RIMS1: variants seen among roughly 807,000 people sequenced by gnomAD.
RIMS1 encodes the protein regulating synaptic membrane exocytosis protein 1.
Under a neutral mutation model 214.1 loss-of-function variants are expected in RIMS1, and 83 were observed. The ratio of observed to expected loss-of-function variants is 0.39; its 90% CI spans 0.32 to 0.47. RIMS1 has a LOEUF of 0.47. Ranked by LOEUF, RIMS1 falls within the 20% of genes least tolerant of loss-of-function variation. The pLI is 0.99. For missense variants in RIMS1, 2,050 were observed against 2,161.8 expected (o/e 0.95, Z 1.03); for synonymous variants, 793 against 786.8 (o/e 1.01, Z -0.13).
chr6:72,016,077 A>G (rs1812662255), intron 2 of RIMS1, among the ~76,000 whole-genome samples: 1 of 152,138 alleles, frequency 6.6e-6, no homozygotes, highest in South Asian at 2.1e-4. Context: ...TGTGGTTTTT[A>G]TCTTTTATTC....
At chr6:71,960,742 G>C (rs1464520961) in intron 1 of RIMS1, among the ~76,000 whole-genome samples, 1 of 151,916 alleles carries the variant, frequency 6.6e-6, no homozygotes, top group Non-Finnish European at 1.5e-5. Flanking sequence ...TTCTAAGCAG[G>C]CTTCAGATGT....
intron 29 of RIMS1, among the ~76,000 whole-genome samples, chr6:72,379,835 C>G (rs981060329): frequency 6.6e-6 from 1 of 152,212 alleles, no homozygotes; most frequent in Non-Finnish European, 1.5e-5. Flanking sequence ...TCCAGGCATT[C>G]TGAGTCCAGA....
intron 4 of RIMS1, among the ~76,000 whole-genome samples, chr6:72,163,648 C>T (rs886772020): frequency 2.8e-5 from 4 of 140,904 alleles, no homozygotes; most frequent in African/African-American, 7.4e-5. Context: ...TGGAGGTCTA[C>T]TCCAGACCCT....
chr6:72,332,515 T>C (rs1038105327), intron 28 of RIMS1, among the ~76,000 whole-genome samples: 3 of 114,124 alleles, frequency 2.6e-5, no homozygotes, highest in Non-Finnish European at 5.0e-5. Context: ...AAGGGGAACA[T>C]CACACTCTGG....
chr6:72,088,344 GTTCAAGCGA>G (rs979359401), intron 2 of RIMS1, among the ~76,000 whole-genome samples: 1 of 151,842 alleles, frequency 6.6e-6, no homozygotes, highest in African/African-American at 2.4e-5. Context: ...TGCCTCCCAG[GTTCAAGCGA>G]TTCTCCTGCC....
chr6:72,112,721 G>A (rs1230374322), intron 4 of RIMS1, among the ~76,000 whole-genome samples: 1 of 152,128 alleles, frequency 6.6e-6, no homozygotes, highest in African/African-American at 2.4e-5. Flanking sequence ...ATGTAAAATT[G>A]TAGCCACAGC....
chr6:72,309,728 CTAAA>C (rs1286185184), intron 27 of RIMS1, among the ~76,000 whole-genome samples: 1 of 151,792 alleles, frequency 6.6e-6, no homozygotes, highest in African/African-American at 2.4e-5. Flanking sequence ...ATTGTAATAA[CTAAA>C]TATGAGATCA....
intron 28 of RIMS1, among the ~76,000 whole-genome samples, chr6:72,321,121 T>C (rs575399620): frequency 2.0e-3 from 307 of 152,228 alleles, no homozygotes; most frequent in Non-Finnish European, 3.5e-3. Flanking sequence ...ATCCTCAAGA[T>C]GGCATATATG....
intron 4 of RIMS1, among the ~76,000 whole-genome samples, chr6:72,128,729 C>G (rs2039989214): frequency 6.6e-6 from 1 of 152,170 alleles, no homozygotes; most frequent in Non-Finnish European, 1.5e-5. Context: ...CCAGGAACAA[C>G]AAACACAGAT....
chr6:72,197,994 A>G (rs1358095873), intron 6 of RIMS1, among the ~76,000 whole-genome samples: 1 of 152,148 alleles, frequency 6.6e-6, no homozygotes, highest in Non-Finnish European at 1.5e-5. Context: ...ATCAGCAATG[A>G]TGAACTACAG....
At chr6:72,022,419 CTT>C in intron 2 of RIMS1, among the ~76,000 whole-genome samples, 1 of 152,168 alleles carries the variant, frequency 6.6e-6, no homozygotes, top group South Asian at 2.1e-4. Flanking sequence ...ATGTGAAAAA[CTT>C]ATAAGGAGAG....
At chr6:72,148,560 C>T (rs1273645752) in intron 4 of RIMS1, 8 of 456,458 alleles carry the variant, frequency 1.8e-5, no homozygotes, top group Admixed American at 1.4e-4. Context: ...CTGTCAGTAA[C>T]CTTGAGTTCC....
intron 6 of RIMS1, among the ~76,000 whole-genome samples, chr6:72,213,969 T>C (rs1198918445): frequency 6.6e-6 from 1 of 152,180 alleles, no homozygotes; most frequent in Non-Finnish European, 1.5e-5. Flanking sequence ...GTTGTAGAAA[T>C]ATTTTAAATG....
At chr6:72,128,801 G>T (rs1481636864) in intron 4 of RIMS1, among the ~76,000 whole-genome samples, 2 of 152,118 alleles carry the variant, frequency 1.3e-5, no homozygotes, top group Non-Finnish European at 2.9e-5. Flanking sequence ...AAATATGTTT[G>T]AAATAAACCA....
At chr6:72,164,372 A>C (rs934583281) in intron 4 of RIMS1, among the ~76,000 whole-genome samples, 18 of 152,098 alleles carry the variant, frequency 1.2e-4, no homozygotes, top group African/African-American at 4.1e-4. Context: ...GATTTGGCTC[A>C]CACTCGGTGC....
At chr6:72,318,168 A>G (rs773116190) in intron 28 of RIMS1, among the ~76,000 whole-genome samples, 2 of 152,048 alleles carry the variant, frequency 1.3e-5, no homozygotes, top group Non-Finnish European at 2.9e-5. Flanking sequence ...TGACCACACA[A>G]TCTCTATCAT....
intron 4 of RIMS1, among the ~76,000 whole-genome samples, chr6:72,161,093 C>T (rs1159014301): frequency 7.1e-6 from 1 of 139,982 alleles, no homozygotes; most frequent in African/African-American, 2.5e-5. Flanking sequence ...AGAGATTCCA[C>T]TTCTTCCTGG....
chr6:71,975,679 T>C (rs558833801), intron 2 of RIMS1, among the ~76,000 whole-genome samples: 4 of 152,162 alleles, frequency 2.6e-5, no homozygotes, highest in South Asian at 2.1e-4. Flanking sequence ...AATTCAGGAA[T>C]GTTTTCATCA....
intron 29 of RIMS1, among the ~76,000 whole-genome samples, chr6:72,368,129 C>G (rs892909177): frequency 2.7e-5 from 4 of 150,594 alleles, no homozygotes; most frequent in African/African-American, 9.7e-5. Flanking sequence ...CATCATTATG[C>G]TTAACCAACT....
Sources: gnomAD v4.1 joint callset for allele counts (sites outside exome capture counted in the v4.1 genomes callset) on GRCh38, gnomAD v4.1.1 for gene constraint, MANE v1.5 for transcripts, NCBI Gene and HGNC (gene_info 2026-07-23, HGNC 2026-07-21) for gene names.